Variants in FKBP4 observed in about 807,000 individuals in gnomAD.
FKBP4 encodes the protein peptidyl-prolyl cis-trans isomerase FKBP4.
In FKBP4, 28 loss-of-function variants were observed where a neutral mutation model predicts 54.1. That is an observed-to-expected ratio of 0.52 (90% CI 0.38 to 0.71). The LOEUF is 0.71. Among genes scored for constraint, FKBP4 ranks in the 30% least tolerant of loss-of-function variants. The pLI, the probability that FKBP4 is intolerant of heterozygous loss-of-function variation, is 0.00. For missense variants in FKBP4, 493 were observed against 574.4 expected, an observed-to-expected ratio of 0.86 and a Z score of 1.45; for synonymous variants, 223 against 216.1, an observed-to-expected ratio of 1.03 and a Z score of -0.28.
intron 9 of FKBP4, 102 bp downstream of exon 9, chr12:2,801,458 C>T: frequency 6.5e-7 from 1 of 1,535,082 alleles, no homozygotes. Flanking sequence ...TCCCGGAAAC[C>T]AGAAGTTGCC....
In FKBP4 at chr12:2,795,103, G is replaced by A; in HGVS notation, c.-37G>A. The A allele has an allele frequency of 3.2e-6, 4 of 1,256,062 alleles. No individual in the cohort carries two copies. Among genetic ancestry groups the A allele is most frequent in the Non-Finnish European group, 3.1e-6 (3 of 982,960 alleles). 77.8% of individuals were successfully genotyped at this position (1,256,062 alleles called of 1,614,324 possible). ...CCGCGGCCCAGAGTGCGCTCGCGCC[G>A]GCACCAGCTCCCGGATAAACGGCGC... On this transcript the variant is annotated 5_prime_UTR_variant, in exon 1 of 10. Transcript: ENST00000001008. This position sits in a 1 kb window ranked among gnomAD's most constrained non-coding sequence, Gnocchi z 4.3.
At position 2,801,189 on chromosome 12, in the gene FKBP4, T is replaced by G; in HGVS notation, c.1105T>G (p.Phe369Val). 1 of 1,613,576 alleles carries G rather than the reference T, an allele frequency of 6.2e-7. No individual in the cohort carries two copies. Among genetic ancestry groups the G allele is most frequent in the South Asian group, 1.1e-5 (1 of 91,058 alleles). ...AGAGGCCCACCTGGCCGTGAATGAC[T>G]TTGAACTGGCACGGGCTGATTTCCA... ...RGEAHLAVND[F>V]ELARADFQKV... Residue 369 changes from phenylalanine (F) to valine (V), a missense_variant, in exon 9 of 10, where the codon TTT (phenylalanine) becomes GTT (valine). Physicochemically the swap from Phe to Val is conservative, Grantham distance 50. Transcript: ENST00000001008.
Position 2,797,289 on chromosome 12 carries a change from G to GT in FKBP4, c.250+8dup. 6.2e-7 allele frequency: 1 copy of GT among 1,613,862 alleles called. No individual in the cohort carries two copies. The highest frequency in any genetic ancestry group is 1.1e-5 in the South Asian group (1 of 91,072). On this transcript the variant is annotated splice_region_variant and intron_variant, in intron 2 of 9. Coordinates refer to ENST00000001008, the MANE Select transcript of FKBP4 (RefSeq NM_002014.4). ...TCCTTTGACCTGGGAAAAGGTAGGC[G>GT]TGGTCAGTGGGCTGGTAGGATAGGT... is the stretch of plus-strand genomic sequence containing the variant.
chr12:2,799,096 G>A lies in FKBP4; in HGVS notation c.523G>A (p.Glu175Lys). Residue 175 changes from glutamate (E) to lysine (K), a missense_variant, in exon 5 of 10, where the codon GAA (glutamate) becomes AAA (lysine). By Grantham distance (56) the Glu-to-Lys change is moderately conservative (BLOSUM62 1). Coordinates refer to ENST00000001008, the MANE Select transcript of FKBP4 (RefSeq NM_002014.4). ...NEGAIVEVAL[E>K]GYYKDKLFDQ... ...CCTCTCTTTCATGCCAGTTGCACTG[G>A]AAGGGTACTACAAGGACAAGCTCTT... 6.5e-7 allele frequency: 1 copy of A among 1,538,418 alleles called. No individual in the cohort carries two copies. The highest frequency in any genetic ancestry group is 2.3e-5 in the East Asian group (1 of 44,340).
Position 2,798,016 on chromosome 12 carries a change from G to C in FKBP4, c.393+145G>C. The C allele has an allele frequency of 5.1e-6, 5 of 983,978 alleles. No individual in the cohort carries two copies. Among genetic ancestry groups the C allele is most frequent in the African/African-American group, 1.6e-5 (1 of 61,418 alleles). 61.0% of individuals were successfully genotyped at this position (983,978 alleles called of 1,614,324 possible). A position where few individuals can be genotyped will look rare whatever the true frequency, so the allele number is the denominator to read the frequency against. Reference sequence around the variant, plus strand: ...CCTTATGGGAGGAGAAATGCAGAGGGCTCTGCTGCTGCTAGTAATGGAAGT... The same window carrying C: ...CCTTATGGGAGGAGAAATGCAGAGGCCTCTGCTGCTGCTAGTAATGGAAGT... On this transcript the variant is annotated intron_variant, in intron 3 of 9. Transcript: ENST00000001008. This position sits in a 1 kb window ranked among gnomAD's most constrained non-coding sequence, Gnocchi z 4.3.
At position 2,795,930 on chromosome 12, in the gene FKBP4, C is replaced by CT; in HGVS notation, c.105+687dup. 1 of 1,023,164 alleles carries CT rather than the reference C, an allele frequency of 9.8e-7. No individual in the cohort carries two copies. The highest frequency in any genetic ancestry group is 1.2e-6 in the Non-Finnish European group (1 of 851,258). 63.4% of individuals were successfully genotyped at this position (1,023,164 alleles called of 1,614,324 possible). On this transcript the variant is annotated intron_variant, in intron 1 of 9. Transcript: ENST00000001008. The surrounding 1 kb of genome is among the most constrained non-coding windows in gnomAD (Gnocchi z 4.3). ...GGGGCATGCCGGGAGCTGTAGTCCC[C>CT]TCCCCCCTCCGCCGCCTCCCGGAGC... is the stretch of plus-strand genomic sequence containing the variant.
In FKBP4 at chr12:2,799,060, C is replaced by G. The variant is rs746443863; in HGVS notation, c.515-28C>G. 9 of 1,523,784 alleles carry G rather than the reference C, an allele frequency of 5.9e-6. No individual in the cohort carries two copies. In the African/African-American group the frequency reaches 9.7e-5, roughly 16 times the overall value. 94.4% of individuals were successfully genotyped at this position (1,523,784 alleles called of 1,614,324 possible). On this transcript the variant is annotated intron_variant, in intron 4 of 9. Coordinates refer to ENST00000001008, the MANE Select transcript of FKBP4 (RefSeq NM_002014.4). ...CTCAGTCACCTGCCCTCTTACAACTCTGGTACACTGCCTCTCTTTCATGCC... is the reference window on the plus strand; with the variant it reads ...CTCAGTCACCTGCCCTCTTACAACTGTGGTACACTGCCTCTCTTTCATGCC...
In FKBP4 at chr12:2,805,008, T is replaced by G; in HGVS notation, c.*1750T>G. ...GTTTGTGTCTGGGTCCTCTTGGTATTTCAAAAGTAGTAGATTCTTACGCCT... is the reference window on the plus strand; with the variant it reads ...GTTTGTGTCTGGGTCCTCTTGGTATGTCAAAAGTAGTAGATTCTTACGCCT... On this transcript the variant is annotated 3_prime_UTR_variant, in exon 10 of 10. Transcript: ENST00000001008. 3.2e-6 allele frequency: 1 copy of G among 308,038 alleles called. No homozygotes were observed. The highest frequency in any genetic ancestry group is 6.4e-6 in the Non-Finnish European group (1 of 156,174). The allele number at this position is 308,038 out of a possible 1,614,324, so 19.1% of individuals were successfully genotyped here.
chr12:2,797,948 T>A, intron 3 of FKBP4, 77 bp downstream of exon 3: 1 of 1,512,982 alleles, frequency 6.6e-7, no homozygotes, highest in East Asian at 2.3e-5. Flanking sequence ...CCTCCAGCCC[T>A]TCCTGCTTCT....
chr12:2,803,520 A>C lies in FKBP4; in HGVS notation c.*262A>C. Reference sequence around the variant, plus strand: ...ATCCATATATATTCATCAGAATGTTAATTTATTTTGCTCCCTCTGTTAGGT... The same window carrying C: ...ATCCATATATATTCATCAGAATGTTCATTTATTTTGCTCCCTCTGTTAGGT... On this transcript the variant is annotated 3_prime_UTR_variant, in exon 10 of 10. Coordinates refer to ENST00000001008, the MANE Select transcript of FKBP4 (RefSeq NM_002014.4). The C allele has an allele frequency of 2.5e-6, 1 of 399,194 alleles. No homozygotes were observed. Among genetic ancestry groups the C allele is most frequent in the Non-Finnish European group, 4.6e-6 (1 of 215,370 alleles). 24.7% of individuals were successfully genotyped at this position (399,194 alleles called of 1,614,324 possible). A position where few individuals can be genotyped will look rare whatever the true frequency, so the allele number is the denominator to read the frequency against.
At chr12:2,800,169 T>C in intron 7 of FKBP4, 47 bp downstream of exon 7, 3 of 1,587,512 alleles carry the variant, frequency 1.9e-6, no homozygotes, top group Non-Finnish European at 2.6e-6. Flanking sequence ...GAAGAGTTGC[T>C]CTGAGCCTCC....
intron 1 of FKBP4, chr12:2,796,748 C>A (rs1346092858): frequency 1.9e-6 from 2 of 1,063,148 alleles, no homozygotes; most frequent in Non-Finnish European, 2.3e-6. Context: ...ATAAATACTT[C>A]CCCCTTTGCC....
At chr12:2,796,227 C>T (rs1413076973) in intron 1 of FKBP4, 2 of 1,289,068 alleles carry the variant, frequency 1.6e-6, no homozygotes, top group Non-Finnish European at 2.0e-6. Flanking sequence ...CTCAGGGGGC[C>T]TTTACCTGGT....
rs1414584261 is a variant in FKBP4 at position 2,803,207 on chromosome 12, G to A, written c.1329G>A (p.Glu443=). 1.9e-5 allele frequency: 31 copies of A among 1,605,000 alleles called. No individual in the cohort carries two copies. The highest frequency in any genetic ancestry group is 2.6e-5 in the Non-Finnish European group (30 of 1,176,034). Residue 443 remains glutamate, a synonymous_variant, in exon 10 of 10, where the codon GAG becomes GAA. Transcript: ENST00000001008. ...CCACTGACACAGAGATGAAGGAGGA[G>A]CAGAAGAGCAACACGGCAGGGAGCC... ...DHPTDTEMKE[E]QKSNTAGSQS... is the part of the protein sequence containing the mutation.
In FKBP4 at chr12:2,798,688, T is replaced by C; in HGVS notation, c.394-18T>C. On this transcript the variant is annotated intron_variant, in intron 3 of 9. Transcript: ENST00000001008. This position sits in a 1 kb window ranked among gnomAD's most constrained non-coding sequence, Gnocchi z 4.3. The stretch of plus-strand genomic sequence containing the variant: ...TGAGTTAGCATGGGAAGGAATTGTG[T>C]CACATCTTGTCCCACAGGTGGAGTT... The C allele has an allele frequency of 6.2e-7, 1 of 1,612,872 alleles. No homozygotes were observed. Among genetic ancestry groups the C allele is most frequent in the Non-Finnish European group, 8.5e-7 (1 of 1,179,924 alleles).
At chr12:2,801,826 C>G (rs536146258) in intron 9 of FKBP4, 8 of 316,812 alleles carry the variant, frequency 2.5e-5, no homozygotes, top group Non-Finnish European at 5.0e-5. Flanking sequence ...CAAACTGTAC[C>G]AAAGTATACA....
At chr12:2,796,158 C>T in intron 1 of FKBP4, 1 of 1,269,564 alleles carries the variant, frequency 7.9e-7, no homozygotes, top group Non-Finnish European at 1.0e-6. Flanking sequence ...TTCTCCCCAT[C>T]CGCTGCTGCG....
intron 1 of FKBP4, chr12:2,796,444 C>T (rs1035999972): frequency 8.0e-6 from 10 of 1,257,746 alleles, no homozygotes; most frequent in Non-Finnish European, 1.0e-5. Context: ...GTCTATTCTT[C>T]GTGGAAGCTT....
Position 2,795,015 on chromosome 12 carries a change from C to G in FKBP4, c.-125C>G, listed in dbSNP as rs1218510129. The G allele has an allele frequency of 2.3e-5, 10 of 428,370 alleles. No individual in the cohort carries two copies. The highest frequency in any genetic ancestry group is 3.7e-5 in the Non-Finnish European group (10 of 268,654). The allele number at this position is 428,370 out of a possible 1,614,324, so 26.5% of individuals were successfully genotyped here. Reference sequence around the variant, plus strand: ...GCGTGCAGAGGTGCTCAAGCCTCCTCGCGGTCCGCAGTCAGTGCCGCCGCG... The same window carrying G: ...GCGTGCAGAGGTGCTCAAGCCTCCTGGCGGTCCGCAGTCAGTGCCGCCGCG... On this transcript the variant is annotated 5_prime_UTR_variant, in exon 1 of 10. Coordinates refer to ENST00000001008, the MANE Select transcript of FKBP4 (RefSeq NM_002014.4). This position sits in a 1 kb window ranked among gnomAD's most constrained non-coding sequence, Gnocchi z 4.3.
Sources: allele counts gnomAD v4.1 joint callset, GRCh38; gene constraint gnomAD v4.1.1; non-coding constraint Gnocchi (gnomAD v3.1); transcripts MANE v1.5; gene names NCBI Gene and HGNC (gene_info 2026-07-23, HGNC 2026-07-21).